Variants in PGAM1 observed in about 807,000 individuals in gnomAD.
PGAM1 encodes the protein phosphoglycerate mutase 1.
A neutral mutation model predicts 23.5 loss-of-function variants in PGAM1; 21 were observed. The ratio of observed to expected loss-of-function variants is 0.89; its 90% confidence interval spans 0.63 to 1.29. The LOEUF is 1.29. Among genes scored for constraint, PGAM1 ranks in the 50% most tolerant of loss-of-function variants. The probability of loss-of-function intolerance (pLI) is 0.00; values close to 1 mark genes in which losing one functional copy is unlikely to be tolerated. For missense variants in PGAM1, 232 were observed against 336.3 expected (o/e 0.69, Z 2.42); for synonymous variants, 109 against 128.6 (o/e 0.85, Z 1.03).
chr10:97,426,707 C>G (rs1171821577), intron 1 of PGAM1, among the ~76,000 whole-genome samples: 1 of 152,272 alleles, frequency 6.6e-6, no homozygotes, highest in Non-Finnish European at 1.5e-5. Flanking sequence ...GACACCACTT[C>G]GCAGTTTTCC....
intron 1 of PGAM1, 81 bp downstream of exon 1, chr10:97,426,527 G>C: frequency 3.4e-6 from 5 of 1,453,310 alleles, no homozygotes; most frequent in Non-Finnish European, 4.6e-6. Flanking sequence ...GCGCCCTCTC[G>C]GAGAGGGCCG....
At chr10:97,427,035 G>GA (rs991586993) in intron 1 of PGAM1, 2,744 of 150,714 alleles carry the variant, frequency 0.018, 71 homozygotes, top group African/African-American at 0.062. Context: ...ACTCTGTCCA[G>GA]AAAAAAAAAA....
rs1389904749 is a variant in PGAM1 at position 97,431,122 on chromosome 10, C to A, written c.582C>A (p.Val194=). 2 of 1,614,164 alleles carry A rather than the reference C, an allele frequency of 1.2e-6. No individual in the cohort carries two copies. The highest frequency in any genetic ancestry group is 3.3e-5 in the Admixed American group (2 of 60,016). ...ATGGCAACAGCCTCCGGGGCATTGT[C>A]AAGCATCTGGAGGGTATGTATGTTT... is the stretch of plus-strand genomic sequence containing the variant. The part of the protein sequence containing the change: ...AAHGNSLRGI[V]KHLEGLSEEA... Residue 194 remains valine, a synonymous_variant, in exon 3 of 4, where the codon GTC becomes GTA. Transcript: ENST00000334828.
At chr10:97,427,781 C>A (rs1200846330) in intron 1 of PGAM1, 2 of 1,289,078 alleles carry the variant, frequency 1.6e-6, no homozygotes, top group Non-Finnish European at 2.0e-6. Context: ...GCAGATCCTC[C>A]TTTGCTCCCT....
chr10:97,427,352 G>GCA, intron 1 of PGAM1: 1 of 993,098 alleles, frequency 1.0e-6, no homozygotes, highest in Non-Finnish European at 1.2e-6. Context: ...TCCACAAATA[G>GCA]TGTGTCCAAA....
In PGAM1 at chr10:97,426,519, G is replaced by A. The variant is rs561734803; in HGVS notation, c.139+73G>A. 1.6e-4 allele frequency: 234 copies of A among 1,483,082 alleles called. No individual in the cohort carries two copies. In the African/African-American group the frequency reaches 3.1e-3, roughly 20 times the overall value. The allele number at this position is 1,483,082 out of a possible 1,614,324, so 91.9% of individuals were successfully genotyped here. ...CGGAGGCCGCCTGGCTGGCGTCTGC[G>A]CCCTCTCGGAGAGGGCCGGCACCTT... On this transcript the variant is annotated intron_variant, in intron 1 of 3. Transcript: ENST00000334828.
At chr10:97,427,514 G>T in intron 1 of PGAM1, 1 of 1,072,518 alleles carries the variant, frequency 9.3e-7, no homozygotes, top group Non-Finnish European at 1.1e-6. Context: ...CTTGTCCAAG[G>T]TCATATCTGA....
At chr10:97,426,733 A>G (rs1845414286) in intron 1 of PGAM1, among the ~76,000 whole-genome samples, 1 of 152,192 alleles carries the variant, frequency 6.6e-6, no homozygotes, top group South Asian at 2.1e-4. Flanking sequence ...TAGTCTGAAC[A>G]TTTAATATGT....
intron 1 of PGAM1, among the ~76,000 whole-genome samples, chr10:97,428,407 G>A (rs1845434299): frequency 2.0e-5 from 3 of 152,200 alleles, no homozygotes; most frequent in African/African-American, 4.8e-5. Context: ...GCCTGGGGGA[G>A]GATGGAGTCC....
chr10:97,428,004 T>C, intron 1 of PGAM1: 1 of 1,147,106 alleles, frequency 8.7e-7, no homozygotes, highest in African/African-American at 1.6e-5. Context: ...CCTCATCTTT[T>C]AGGAGAGGCT....
In PGAM1 at chr10:97,430,667, G is replaced by A; in HGVS notation, c.414+14G>A. ...AACATCAGTAAGGTATGGACAAACA[G>A]AGGTTTGGTCACTCCGCCCAGGATC... is the stretch of plus-strand genomic sequence containing the variant. On this transcript the variant is annotated intron_variant, in intron 2 of 3. Transcript: ENST00000334828. 2 of 1,602,796 alleles carry A rather than the reference G, an allele frequency of 1.2e-6. No homozygotes were observed. The highest frequency in any genetic ancestry group is 1.7e-6 in the Non-Finnish European group (2 of 1,179,974).
At position 97,427,758 on chromosome 10, in the gene PGAM1, G is replaced by T. The variant is rs1845426011; in HGVS notation, c.139+1312G>T. 7.8e-6 allele frequency: 10 copies of T among 1,283,588 alleles called. 1 individual carries two copies. In the South Asian group the frequency reaches 1.1e-4, roughly 14 times the overall value. 79.5% of individuals were successfully genotyped at this position (1,283,588 alleles called of 1,614,324 possible). On this transcript the variant is annotated intron_variant, in intron 1 of 3. Transcript: ENST00000334828. ...ATCCCTGGACTGAAGAGGTGCTTCC[G>T]CTGATGATAGGGGCAGATCCTCCTT...
chr10:97,431,993 C>A (rs72833963), intron 3 of PGAM1, among the ~76,000 whole-genome samples: 2,056 of 152,202 alleles, frequency 0.014, 25 homozygotes, highest in Middle Eastern at 0.037. Flanking sequence ...TCTTCATCCC[C>A]GAGGGCCTAG....
intron 1 of PGAM1, chr10:97,427,393 A>G: frequency 5.0e-6 from 5 of 1,005,480 alleles, no homozygotes; most frequent in Non-Finnish European, 4.8e-6. Flanking sequence ...TGAGTGAATG[A>G]ATGAATGATT....
chr10:97,427,145 T>C, intron 1 of PGAM1: 3 of 275,812 alleles, frequency 1.1e-5, no homozygotes, highest in Non-Finnish European at 1.7e-5. Flanking sequence ...TGGTACAGTC[T>C]GGTGCTCCTG....
chr10:97,426,508 C>G, intron 1 of PGAM1, 62 bp downstream of exon 1: 3 of 1,494,660 alleles, frequency 2.0e-6, no homozygotes, highest in Non-Finnish European at 2.7e-6. Context: ...GGCCGCCTGG[C>G]TGGCGTCTGC....
At chr10:97,432,022 T>A (rs773569815) in intron 3 of PGAM1, among the ~76,000 whole-genome samples, 5 of 152,166 alleles carry the variant, frequency 3.3e-5, no homozygotes, top group Admixed American at 2.0e-4. Flanking sequence ...GTGTGCTGAT[T>A]TTTGGTTGGA....
Position 97,433,354 on chromosome 10 carries a change from C to G in PGAM1, c.*830C>G. ...TCTGAATCATGTTCTAGTTGCTTGACCCTGCCACATGGGTCCAGTGTTCAT... is the reference window on the plus strand; with the variant it reads ...TCTGAATCATGTTCTAGTTGCTTGAGCCTGCCACATGGGTCCAGTGTTCAT... On this transcript the variant is annotated 3_prime_UTR_variant, in exon 4 of 4. Coordinates refer to ENST00000334828, the MANE Select transcript of PGAM1 (RefSeq NM_002629.4). The G allele has an allele frequency of 6.6e-6, 1 of 152,272 alleles. No homozygotes were observed. Among genetic ancestry groups the G allele is most frequent in the Non-Finnish European group, 1.5e-5 (1 of 67,990 alleles). The allele number at this position is 152,272 out of a possible 1,614,324, so 9.4% of individuals were successfully genotyped here.
rs1394189955 is a variant in PGAM1 at position 97,433,317 on chromosome 10, CTT to C, written c.*795_*796del. ...GCCTCTTGGTCCTGTCCAAGTGTAT[CTT>C]TCACTGATTTCTGAATCATGTTCTA... On this transcript the variant is annotated 3_prime_UTR_variant, in exon 4 of 4. Coordinates refer to ENST00000334828, the MANE Select transcript of PGAM1 (RefSeq NM_002629.4). 2.0e-5 allele frequency: 3 copies of C among 151,688 alleles called. No homozygotes were observed. The highest frequency in any genetic ancestry group is 2.9e-5 in the Non-Finnish European group (2 of 67,866). 9.4% of individuals were successfully genotyped at this position (151,688 alleles called of 1,614,324 possible).
Sources: allele counts gnomAD v4.1 joint callset (sites outside exome capture counted in the v4.1 genomes callset), GRCh38; gene constraint gnomAD v4.1.1; transcripts MANE v1.5; gene names NCBI Gene and HGNC (gene_info 2026-07-23, HGNC 2026-07-21).